Variants in ELP2 observed in about 807,000 individuals in gnomAD.
ELP2 encodes elongator complex protein 2.
Under a neutral mutation model 119.2 loss-of-function variants are expected in ELP2, and 90 were observed. The ratio of observed to expected loss-of-function variants is 0.75; its 90% CI spans 0.64 to 0.90. The LOEUF is 0.90. Ranked by LOEUF, ELP2 falls within the 40% of genes least tolerant of loss-of-function variation. The probability of loss-of-function intolerance (pLI) is 0.00; values close to 1 mark genes in which losing one functional copy is unlikely to be tolerated. For missense variants in ELP2, 921 were observed against 967.8 expected, an observed-to-expected ratio of 0.95 and a Z score of 0.64; for synonymous variants, 339 against 331.0, an observed-to-expected ratio of 1.02 and a Z score of -0.26.
At position 36,164,561 on chromosome 18, in the gene ELP2, A is replaced by G. The variant is rs199848827; in HGVS notation, c.1848A>G (p.Thr616=). 7 of 1,614,136 alleles carry G rather than the reference A, an allele frequency of 4.3e-6. No individual in the cohort carries two copies. The African/African-American group carries it at 8.0e-5, about 18-fold the overall frequency. Residue 616 remains threonine (T), a synonymous_variant, in exon 18 of 22, where the codon ACA becomes ACG. Coordinates refer to ENST00000358232, the MANE Select transcript of ELP2 (RefSeq NM_018255.4). ...AGAATTTAGTTTTCCACAGTTTGAC[A>G]GTCACGCAGATGGCCTTCTCACCTA... ...QVQNLVFHSL[T]VTQMAFSPNE... is the part of the protein sequence containing the mutation.
intron 2 of ELP2, among the ~76,000 whole-genome samples, chr18:36,135,303 G>A (rs566359195): frequency 1.1e-4 from 16 of 152,124 alleles, no homozygotes; most frequent in African/African-American, 2.9e-4. Context: ...ACCCTTTATC[G>A]GTGATATATA....
At chr18:36,155,681 G>A (rs1053903655) in intron 12 of ELP2, among the ~76,000 whole-genome samples, 2 of 152,180 alleles carry the variant, frequency 1.3e-5, no homozygotes, top group African/African-American at 4.8e-5. Flanking sequence ...TAAGACTACA[G>A]GTGTGAGCCA....
Position 36,144,942 on chromosome 18 carries a change from T to C in ELP2, c.800T>C (p.Val267Ala). Residue 267 changes from valine (V) to alanine (A), a missense_variant, in exon 9 of 22, where the codon GTT (valine) becomes GCT (alanine). By Grantham distance (64) the Val-to-Ala change is moderately conservative. Coordinates refer to ENST00000358232, the MANE Select transcript of ELP2 (RefSeq NM_018255.4). ...ACCTTCATTGCTTTTGTTATAGGTG[T>C]TAAAATAGCATTTGCTGTTACTCTG... is the stretch of plus-strand genomic sequence containing the variant. ...ENTFTIENES[V>A]KIAFAVTLET... The C allele has an allele frequency of 6.2e-7, 1 of 1,613,152 alleles. No individual in the cohort carries two copies. Among genetic ancestry groups the C allele is most frequent in the African/African-American group, 1.3e-5 (1 of 75,044 alleles).
intron 8 of ELP2, among the ~76,000 whole-genome samples, chr18:36,143,982 C>G (rs1415402004): frequency 6.6e-6 from 1 of 152,128 alleles, no homozygotes; most frequent in Non-Finnish European, 1.5e-5. Context: ...TATTGTCTAG[C>G]CTTAGAACAG....
chr18:36,141,119 T>G lies in ELP2; in HGVS notation c.524-18T>G. 6.2e-7 allele frequency: 1 copy of G among 1,608,666 alleles called. No individual in the cohort carries two copies. The highest frequency in any genetic ancestry group is 8.5e-7 in the Non-Finnish European group (1 of 1,175,086). On this transcript the variant is annotated intron_variant, in intron 5 of 21. Coordinates refer to ENST00000358232, the MANE Select transcript of ELP2 (RefSeq NM_018255.4). ...GGAATAGAGAACTCACAGTGAAGCC[T>G]GTTTTTTCTTCCCCCAGTACCAATA...
At chr18:36,143,091 C>A (rs887693504) in intron 8 of ELP2, 125 bp downstream of exon 8, 8 of 678,868 alleles carry the variant, frequency 1.2e-5, no homozygotes, top group Non-Finnish European at 1.9e-5. Flanking sequence ...CCTGAAATTT[C>A]TTTTTTCTTT....
At chr18:36,150,177 C>T (rs1384512425) in intron 11 of ELP2, among the ~76,000 whole-genome samples, 1 of 152,206 alleles carries the variant, frequency 6.6e-6, no homozygotes, top group Non-Finnish European at 1.5e-5. Flanking sequence ...TAGCCATCAG[C>T]AGTCTCTGTT....
At chr18:36,160,118 A>G (rs749957382) in intron 16 of ELP2, 103 bp downstream of exon 16, 3 of 1,050,906 alleles carry the variant, frequency 2.9e-6, no homozygotes, top group Non-Finnish European at 4.4e-6. Flanking sequence ...CCTTCTACCT[A>G]CCTTTTTCCT....
chr18:36,148,283 C>T (rs1003935827), intron 11 of ELP2, among the ~76,000 whole-genome samples: 3 of 151,932 alleles, frequency 2.0e-5, no homozygotes, highest in Non-Finnish European at 2.9e-5. Context: ...TTAGTAGAGA[C>T]GGGGCTTCAT....
chr18:36,165,319 C>T (rs1427039822), intron 18 of ELP2: 1 of 151,590 alleles, frequency 6.6e-6, no homozygotes, highest in Non-Finnish European at 1.5e-5. Context: ...GTAGTTGGGT[C>T]AGTGGCCTAT....
chr18:36,132,306 GTGA>G (rs1490129490), intron 1 of ELP2, among the ~76,000 whole-genome samples: 1 of 152,234 alleles, frequency 6.6e-6, no homozygotes, highest in African/African-American at 2.4e-5. Context: ...CCTGGGCTGA[GTGA>G]TGATGACACA....
chr18:36,174,924 C>G lies in ELP2; in HGVS notation c.*283C>G. ...GCCAGGCGGGTCTCAAACTCCTCGT[C>G]TCAGGTGATCTGCTTGCCTCGGCCT... On this transcript the variant is annotated 3_prime_UTR_variant, in exon 22 of 22. Transcript: ENST00000358232. The G allele has an allele frequency of 2.8e-6, 1 of 361,016 alleles. No individual in the cohort carries two copies. The highest frequency in any genetic ancestry group is 5.3e-6 in the Non-Finnish European group (1 of 190,444). 22.4% of individuals were successfully genotyped at this position (361,016 alleles called of 1,614,324 possible).
At position 36,145,038 on chromosome 18, in the gene ELP2, G is replaced by A. The variant is rs766578875; in HGVS notation, c.892+4G>A. ...TGGCAACCTGTGTTTTACAAAGGTA[G>A]GAAGAAAACCATACACATATCCCTT... On this transcript the variant is annotated splice_donor_region_variant and intron_variant, in intron 9 of 21. Transcript: ENST00000358232. 3 of 1,610,248 alleles carry A rather than the reference G, an allele frequency of 1.9e-6. No homozygotes were observed. In the African/African-American group the frequency reaches 4.0e-5, roughly 22 times the overall value.
chr18:36,154,701 G>A (rs2090506689), intron 11 of ELP2, 149 bp from the exon 12 acceptor site: 1 of 765,840 alleles, frequency 1.3e-6, no homozygotes, highest in African/African-American at 1.7e-5. Context: ...ATTGGAAAAT[G>A]GATCCTATTA....
chr18:36,138,141 T>C, intron 3 of ELP2, 129 bp from the exon 4 acceptor site: 1 of 863,838 alleles, frequency 1.2e-6, no homozygotes, highest in East Asian at 2.6e-5. Flanking sequence ...GACAGACTTC[T>C]TGAAAAATTC....
intron 11 of ELP2, among the ~76,000 whole-genome samples, chr18:36,147,381 G>T (rs1355238597): frequency 1.3e-5 from 2 of 151,082 alleles, no homozygotes; most frequent in Non-Finnish European, 3.0e-5. Flanking sequence ...TTGGCATGTG[G>T]ATTGTTAATA....
At chr18:36,159,643 C>A (rs978450530) in intron 14 of ELP2, 92 bp from the exon 15 acceptor site, 2 of 934,820 alleles carry the variant, frequency 2.1e-6, no homozygotes, top group Non-Finnish European at 3.5e-6. Context: ...CTTTGAATTA[C>A]CACTGCTTTC....
intron 8 of ELP2, among the ~76,000 whole-genome samples, chr18:36,144,258 A>G (rs1176890051): frequency 6.6e-6 from 1 of 152,234 alleles, no homozygotes; most frequent in Non-Finnish European, 1.5e-5. Context: ...TTGAAAGGTC[A>G]AAATACTGAT....
intron 11 of ELP2, among the ~76,000 whole-genome samples, chr18:36,148,249 A>G (rs1351926664): frequency 6.6e-6 from 1 of 151,960 alleles, no homozygotes; most frequent in East Asian, 1.9e-4. Context: ...GCCTGCCACC[A>G]CACCTGGCTA....
Sources: allele counts gnomAD v4.1 joint callset (sites outside exome capture counted in the v4.1 genomes callset), GRCh38; gene constraint gnomAD v4.1.1; transcripts MANE v1.5; gene names NCBI Gene and HGNC (gene_info 2026-07-23, HGNC 2026-07-21).